The following CIZ1 variants were observed in gnomAD, a reference collection of about 807,000 sequenced individuals.
CIZ1 encodes the protein cip1-interacting zinc finger protein.
A neutral mutation model predicts 118.6 loss-of-function variants in CIZ1; 58 were observed. The observed-to-expected ratio is 0.49, with a 90% CI of 0.40 to 0.61. The LOEUF is 0.61. CIZ1 is among the 20% of genes least tolerant of loss of function. CIZ1 has a pLI of 0.00. For synonymous variants in CIZ1, 448 were observed against 443.4 expected, an observed-to-expected ratio of 1.01 and a Z score of -0.13; for missense variants, 921 against 1,115.9, an observed-to-expected ratio of 0.83 and a Z score of 2.49.
At chr9:128,177,537 C>A in intron 10 of CIZ1, 29 bp downstream of exon 10, 1 of 1,153,048 alleles carries the variant, frequency 8.7e-7, no homozygotes, top group Non-Finnish European at 1.2e-6. Flanking sequence ...GGCCCCACCC[C>A]TCCCCACCCT....
intron 1 of CIZ1, chr9:128,197,137 C>T (rs1193659906): frequency 1.3e-5 from 2 of 152,254 alleles, no homozygotes; most frequent in Non-Finnish European, 2.9e-5. Context: ...AAGTTGTCCT[C>T]ATGTCCTTGG....
intron 4 of CIZ1, among the ~76,000 whole-genome samples, chr9:128,186,815 T>C (rs1832430413): frequency 1.3e-5 from 2 of 152,160 alleles, no homozygotes; most frequent in African/African-American, 4.8e-5. Context: ...TTCTACCCAC[T>C]GACACCCTTC....
Position 128,166,924 on chromosome 9 carries a change from A to G in CIZ1, c.2366-44T>C, listed in dbSNP as rs1274053689. The G allele has an allele frequency of 6.2e-7, 1 of 1,613,870 alleles. No homozygotes were observed. The highest frequency in any genetic ancestry group is 1.7e-5 in the Admixed American group (1 of 60,004). Reference sequence around the variant, plus strand: ...GGGTCTGCACTCACATCCCTGTACCAGCGAGGTGTCCCTCCCTCTCTAGGG... The same window carrying G: ...GGGTCTGCACTCACATCCCTGTACCGGCGAGGTGTCCCTCCCTCTCTAGGG... On this transcript the variant is annotated intron_variant, in intron 15 of 16. Coordinates refer to ENST00000372938, the MANE Select transcript of CIZ1 (RefSeq NM_001131016.2). The surrounding 1 kb of genome is among the most constrained non-coding windows in gnomAD (Gnocchi z 4.4).
At chr9:128,179,610 G>A (rs913520174) in intron 7 of CIZ1, among the ~76,000 whole-genome samples, 195 bp from the exon 8 acceptor site, 9 of 152,150 alleles carry the variant, frequency 5.9e-5, no homozygotes, top group Non-Finnish European at 8.8e-5. Context: ...TGGGATTACA[G>A]GTGTGAGCCA....
In CIZ1 at chr9:128,190,808, AGCT is replaced by A. The variant is rs773917056; in HGVS notation, c.47_49del (p.Gln16del). Reference sequence around the variant, plus strand: ...GAGCTGCTGCTGCTGTAACTGCTGGAGCTGCTGCTGCTGTTGCTGGAGCTGCTG... The same window carrying A: ...GAGCTGCTGCTGCTGTAACTGCTGGAGCTGCTGCTGTTGCTGGAGCTGCTG... On this transcript the variant is annotated inframe_deletion, in exon 2 of 17. Transcript: ENST00000372938. The A allele has an allele frequency of 3.2e-6, 5 of 1,541,102 alleles. No homozygotes were observed. Among genetic ancestry groups the A allele is most frequent in the South Asian group, 1.2e-5 (1 of 83,942 alleles).
At chr9:128,194,526 G>T (rs1438640976), upstream of CIZ1, among the ~76,000 whole-genome samples, 1 of 151,506 alleles carries the variant, frequency 6.6e-6, no homozygotes, top group Non-Finnish European at 1.5e-5. Flanking sequence ...TCTTTTTAAG[G>T]ACAGCCTCAG....
At chr9:128,173,052 C>T (rs145901779) in intron 11 of CIZ1, among the ~76,000 whole-genome samples, 10 of 152,078 alleles carry the variant, frequency 6.6e-5, no homozygotes, top group African/African-American at 2.2e-4. Flanking sequence ...GCAGCCTCTA[C>T]CTCCTGGGCT....
chr9:128,172,765 G>C (rs1830304340), intron 11 of CIZ1, among the ~76,000 whole-genome samples: 1 of 152,096 alleles, frequency 6.6e-6, no homozygotes, highest in African/African-American at 2.4e-5. Flanking sequence ...TGGGTAATGG[G>C]ATTATGGGTG....
chr9:128,169,211 G>A lies in CIZ1; in HGVS notation c.2146-10C>T. The A allele has an allele frequency of 6.2e-7, 1 of 1,614,034 alleles. No individual in the cohort carries two copies. The highest frequency in any genetic ancestry group is 2.2e-5 in the East Asian group (1 of 44,878). ...TCTCAAGCGACTTCAGCTGCCCAGG[G>A]AGTAGGCAAGGAGCTCAGGTCAGCT... On this transcript the variant is annotated splice_polypyrimidine_tract_variant and intron_variant, in intron 13 of 16. Transcript: ENST00000372938.
Sources: allele counts gnomAD v4.1 joint callset (sites outside exome capture counted in the v4.1 genomes callset), GRCh38; gene constraint gnomAD v4.1.1; non-coding constraint Gnocchi (gnomAD v3.1); transcripts MANE v1.5; gene names NCBI Gene and HGNC (gene_info 2026-07-23, HGNC 2026-07-21).